The following USH2A variants were observed in gnomAD, a reference collection of about 807,000 sequenced individuals.
The protein encoded by USH2A is usherin.
In USH2A, 443 loss-of-function variants were observed where a neutral mutation model predicts 538.9. The ratio of observed to expected loss-of-function variants is 0.82; its 90% CI spans 0.76 to 0.89. The LOEUF is 0.89. Ranked by LOEUF, USH2A falls within the 40% of genes least tolerant of loss-of-function variation. The pLI is 0.00. For synonymous variants in USH2A, 2,413 were observed against 2,273.5 expected (o/e 1.06, Z -1.75); for missense variants, 6,633 against 6,324.8 (o/e 1.05, Z -1.65).
chr1:215,718,588 G>A (rs1350326087), intron 61 of USH2A, among the ~76,000 whole-genome samples: 1 of 152,188 alleles, frequency 6.6e-6, no homozygotes, highest in African/African-American at 2.4e-5. Context: ...TTATATTACA[G>A]CTGTTACAGT....
intron 4 of USH2A, among the ~76,000 whole-genome samples, chr1:216,358,063 A>C (rs1182866018): frequency 6.6e-6 from 1 of 152,206 alleles, no homozygotes; most frequent in Non-Finnish European, 1.5e-5. Flanking sequence ...AAAAGCATGC[A>C]TTTGGTCCAT....
chr1:216,099,707 T>G (rs1312695405), intron 21 of USH2A, among the ~76,000 whole-genome samples: 1 of 152,056 alleles, frequency 6.6e-6, no homozygotes, highest in Non-Finnish European at 1.5e-5. Context: ...TGATATGAGG[T>G]GATGGTGTGG....
intron 3 of USH2A, among the ~76,000 whole-genome samples, chr1:216,406,670 T>C (rs544197378): frequency 2.0e-5 from 3 of 152,284 alleles, no homozygotes; most frequent in African/African-American, 7.2e-5. Flanking sequence ...TTCAGAGGAT[T>C]AAATTATAAT....
intron 37 of USH2A, among the ~76,000 whole-genome samples, chr1:215,954,327 A>C (rs188996860): frequency 6.6e-6 from 1 of 152,116 alleles, no homozygotes; most frequent in African/African-American, 2.4e-5. Context: ...ATGTCCAACA[A>C]TGATAGACTG....
At chr1:215,903,783 G>A (rs1665563063) in intron 38 of USH2A, among the ~76,000 whole-genome samples, 1 of 152,042 alleles carries the variant, frequency 6.6e-6, no homozygotes, top group Non-Finnish European at 1.5e-5. Flanking sequence ...ATGAAATGGA[G>A]GCTTGAAGAA....
chr1:215,987,058 A>G (rs1667888673), intron 35 of USH2A, among the ~76,000 whole-genome samples: 1 of 152,244 alleles, frequency 6.6e-6, no homozygotes, highest in African/African-American at 2.4e-5. Context: ...ATTTAAAAAA[A>G]ACACATATTC....
chr1:216,030,017 G>A (rs540671162), intron 32 of USH2A, among the ~76,000 whole-genome samples: 2 of 144,654 alleles, frequency 1.4e-5, no homozygotes, highest in Non-Finnish European at 3.0e-5. Flanking sequence ...TGATATATAT[G>A]ATATATATCA....
chr1:216,377,843 GAAAGAAAGAAAGAAAGAA>G (rs2102728708), intron 3 of USH2A, among the ~76,000 whole-genome samples: 1 of 129,168 alleles, frequency 7.7e-6, no homozygotes, highest in South Asian at 2.6e-4. Context: ...AAGAAAGAAA[GAAAGAAAGAAAGAAAGAA>G]AGAAAGAAGG....
intron 11 of USH2A, among the ~76,000 whole-genome samples, chr1:216,288,263 C>T (rs1183646691): frequency 6.6e-6 from 1 of 151,926 alleles, no homozygotes; most frequent in African/African-American, 2.4e-5. Context: ...AAAATAGTCC[C>T]TCAATATTAT....
chr1:216,280,888 A>G (rs1387049980), intron 11 of USH2A, among the ~76,000 whole-genome samples: 2 of 152,188 alleles, frequency 1.3e-5, no homozygotes, highest in Non-Finnish European at 2.9e-5. Flanking sequence ...GACTTGAACT[A>G]CTGCCTAATT....
chr1:216,236,600 A>T (rs2035822432), intron 13 of USH2A, among the ~76,000 whole-genome samples: 1 of 152,180 alleles, frequency 6.6e-6, no homozygotes, highest in African/African-American at 2.4e-5. Context: ...AAAATATGAG[A>T]TGATCCCTTT....
rs10495021 is a variant in USH2A, at chr1:216,327,317, C to A, written c.848+274G>T. ...TATAGAAAATTTAAGCATTGTATCCCAAGTTTTATAAAATGTTCAAATATC... is the reference window on the plus strand; with the variant it reads ...TATAGAAAATTTAAGCATTGTATCCAAAGTTTTATAAAATGTTCAAATATC... On this transcript the variant is annotated intron_variant, in intron 5 of 71. Coordinates refer to ENST00000307340, the MANE Select transcript of USH2A (RefSeq NM_206933.4). Among the ~76,000 whole-genome samples the A allele has an allele frequency of 0.024, 3,689 of 152,102 alleles. 56 individuals carry two copies. Among genetic ancestry groups the A allele is most frequent in the Non-Finnish European group, 0.037 (2,526 of 67,972 alleles).
At chr1:215,888,249 G>A (rs1180411690) in intron 41 of USH2A, among the ~76,000 whole-genome samples, 177 bp downstream of exon 41, 2 of 152,192 alleles carry the variant, frequency 1.3e-5, no homozygotes, top group Non-Finnish European at 2.9e-5. Flanking sequence ...AGGGATAAAT[G>A]AAAAACTGAC....
chr1:215,813,674 A>C, intron 49 of USH2A, 62 bp downstream of exon 49: 1 of 1,608,222 alleles, frequency 6.2e-7, no homozygotes, highest in Non-Finnish European at 8.5e-7. Flanking sequence ...CACTGACATG[A>C]ACCACGTGTT....
intron 21 of USH2A, among the ~76,000 whole-genome samples, chr1:216,146,043 C>A (rs1040428886): frequency 6.6e-6 from 1 of 152,188 alleles, no homozygotes; most frequent in Non-Finnish European, 1.5e-5. Context: ...TTCACACGGA[C>A]GCGCATGAAA....
At chr1:215,651,384 G>C (rs1488979543) in intron 64 of USH2A, among the ~76,000 whole-genome samples, 2 of 152,200 alleles carry the variant, frequency 1.3e-5, no homozygotes, top group African/African-American at 4.8e-5. Context: ...AGATGGATGT[G>C]TGAGTGTATA....
intron 49 of USH2A, among the ~76,000 whole-genome samples, chr1:215,800,102 T>TA (rs1193346937): frequency 4.6e-5 from 7 of 152,180 alleles, no homozygotes; most frequent in African/African-American, 1.7e-4. Context: ...GTTTGTTTGG[T>TA]ATAAAGACAA....
chr1:215,652,039 C>T (rs773695134), intron 64 of USH2A, among the ~76,000 whole-genome samples: 9 of 152,194 alleles, frequency 5.9e-5, no homozygotes, highest in Non-Finnish European at 1.0e-4. Flanking sequence ...TTTTAGAGCT[C>T]GGATACATCC....
intron 15 of USH2A, among the ~76,000 whole-genome samples, chr1:216,217,076 A>G (rs1209311560): frequency 2.0e-5 from 3 of 152,088 alleles, no homozygotes; most frequent in African/African-American, 4.8e-5. Flanking sequence ...TTTTACCATT[A>G]AAAGTCTTGT....
Sources: gnomAD v4.1 joint callset for allele counts (sites outside exome capture counted in the v4.1 genomes callset) on GRCh38, gnomAD v4.1.1 for gene constraint, MANE v1.5 for transcripts, NCBI Gene and HGNC (gene_info 2026-07-23, HGNC 2026-07-21) for gene names.